RBMS3: variants seen among roughly 807,000 people sequenced by gnomAD.
The protein encoded by RBMS3 is RNA-binding motif, single-stranded-interacting protein 3.
A neutral mutation model predicts 66.8 loss-of-function variants in RBMS3; 27 were observed. That is an observed-to-expected ratio of 0.40 (90% CI 0.30 to 0.56). The LOEUF (loss-of-function observed/expected upper bound fraction) is 0.56. Ranked by LOEUF, RBMS3 falls within the 20% of genes least tolerant of loss-of-function variation. The probability of loss-of-function intolerance (pLI) is 0.40; values close to 1 mark genes in which losing one functional copy is unlikely to be tolerated. For missense variants in RBMS3, 513 were observed against 549.5 expected, an observed-to-expected ratio of 0.93 and a Z score of 0.66; for synonymous variants, 188 against 183.0, an observed-to-expected ratio of 1.03 and a Z score of -0.22.
At chr3:29,548,005 G>A (rs2149026667) in intron 3 of RBMS3, among the ~76,000 whole-genome samples, 1 of 151,936 alleles carries the variant, frequency 6.6e-6, no homozygotes, top group East Asian at 1.9e-4. Context: ...TGTTGGCCAA[G>A]GCTGGTCTCG....
chr3:29,887,342 G>A (rs2059895706), intron 8 of RBMS3, among the ~76,000 whole-genome samples: 1 of 151,764 alleles, frequency 6.6e-6, no homozygotes, highest in Admixed American at 6.6e-5. Flanking sequence ...TAATCCCCAT[G>A]TGTCAAGAGA....
rs565231402 is a variant in RBMS3 at position 29,422,271 on chromosome 3, T to G, written c.76-12472T>G. ...TATACCAATCAAGGGCAAATGCCCT[T>G]TAACTGCCAGTCTCTGAAGCTCAAT... On this transcript the variant is annotated intron_variant, in intron 1 of 14. Coordinates refer to ENST00000383767, the MANE Select transcript of RBMS3 (RefSeq NM_001003793.3). Among the ~76,000 whole-genome samples, 4 of 152,256 alleles carry G rather than the reference T, an allele frequency of 2.6e-5. No homozygotes were observed. In the South Asian group the frequency reaches 8.3e-4, roughly 32 times the overall value.
chr3:29,690,997 T>C (rs899847547), intron 4 of RBMS3, among the ~76,000 whole-genome samples: 5 of 152,342 alleles, frequency 3.3e-5, no homozygotes, highest in Admixed American at 1.3e-4. Flanking sequence ...TTGTGTGCAA[T>C]GCTTAGCAAG....
In RBMS3 at chr3:29,829,291, C is replaced by T. The variant is rs147830322; in HGVS notation, c.638-39567C>T. Among the ~76,000 whole-genome samples the T allele has an allele frequency of 2.5e-3, 374 of 152,200 alleles. 4 individuals are homozygous for T. The highest frequency in any genetic ancestry group is 8.6e-3 in the African/African-American group (357 of 41,534). ...AACTCATGACCTCAGGTAATCCACCCGCCTTGGCCTCCCCAAGTGCTGGGA... is the reference window on the plus strand; with the variant it reads ...AACTCATGACCTCAGGTAATCCACCTGCCTTGGCCTCCCCAAGTGCTGGGA... On this transcript the variant is annotated intron_variant, in intron 6 of 14. Transcript: ENST00000383767.
chr3:29,750,281 T>C (rs1461679080), intron 5 of RBMS3, among the ~76,000 whole-genome samples: 1 of 152,198 alleles, frequency 6.6e-6, no homozygotes, highest in Non-Finnish European at 1.5e-5. Flanking sequence ...TTTCCACGAA[T>C]TTTTTGAAGA....
intron 12 of RBMS3, among the ~76,000 whole-genome samples, chr3:29,979,488 C>T (rs1697830834): frequency 6.6e-6 from 1 of 152,126 alleles, no homozygotes; most frequent in African/African-American, 2.4e-5. Context: ...GATACATGTG[C>T]AGGTTTGTTA....
At position 30,008,742 on chromosome 3, in the gene RBMS3, G is replaced by A. The variant is rs1031697871; in HGVS notation, c.*4880G>A. On this transcript the variant is annotated 3_prime_UTR_variant, in exon 15 of 15. Coordinates refer to ENST00000383767, the MANE Select transcript of RBMS3 (RefSeq NM_001003793.3). ...TCCACTGTGGCATTGGAAGACAGTT[G>A]GGTCTGACTCAAGTTTAACATTTCT... The A allele has an allele frequency of 1.3e-5, 2 of 152,064 alleles. No homozygotes were observed. Among genetic ancestry groups the A allele is most frequent in the African/African-American group, 4.8e-5 (2 of 41,424 alleles). The allele number at this position is 152,064 out of a possible 1,614,324, so 9.4% of individuals were successfully genotyped here. A position where few individuals can be genotyped will look rare whatever the true frequency, so the allele number is the denominator to read the frequency against.
chr3:29,562,523 G>C (rs2046592930), intron 3 of RBMS3, among the ~76,000 whole-genome samples: 1 of 152,192 alleles, frequency 6.6e-6, no homozygotes, highest in African/African-American at 2.4e-5. Flanking sequence ...GGAGTCACCT[G>C]TGTCAAGTGA....
intron 4 of RBMS3, among the ~76,000 whole-genome samples, chr3:29,719,420 A>G (rs1159939668): frequency 6.6e-6 from 1 of 151,990 alleles, no homozygotes; most frequent in Non-Finnish European, 1.5e-5. Flanking sequence ...CATTTTTTTT[A>G]CTTGCAAAGA....
intron 7 of RBMS3, among the ~76,000 whole-genome samples, chr3:29,876,988 G>T (rs2059624166): frequency 6.6e-6 from 1 of 152,156 alleles, no homozygotes; most frequent in Non-Finnish European, 1.5e-5. Context: ...TAACACAATG[G>T]TGTGACTGAT....
At chr3:29,383,181 C>T (rs573849712) in intron 1 of RBMS3, among the ~76,000 whole-genome samples, 1 of 152,282 alleles carries the variant, frequency 6.6e-6, no homozygotes, top group African/African-American at 2.4e-5. Flanking sequence ...GGAAGGTGAT[C>T]TTTTCCAAGA....
At chr3:29,745,418 G>A (rs1331688126) in intron 5 of RBMS3, among the ~76,000 whole-genome samples, 1 of 152,178 alleles carries the variant, frequency 6.6e-6, no homozygotes, top group African/African-American at 2.4e-5. Context: ...TACCTTGCCT[G>A]CGAGGGTAAG....
At chr3:29,994,860 G>A (rs1040659372) in intron 14 of RBMS3, among the ~76,000 whole-genome samples, 1 of 152,226 alleles carries the variant, frequency 6.6e-6, no homozygotes, top group East Asian at 1.9e-4. Context: ...CTAAAACGCA[G>A]AGTGCCTCTC....
At position 29,670,768 on chromosome 3, in the gene RBMS3, G is replaced by A. The variant is rs373636601; in HGVS notation, c.400-68952G>A. 2.6e-5 allele frequency among the ~76,000 whole-genome samples: 4 copies of A among 152,206 alleles called. No homozygotes were observed. The East Asian group carries it at 7.7e-4, about 29-fold the overall frequency. ...AGCGGCTGGGAAGCTCCAACTGGGT[G>A]GAGCCCACCCCAGCTCAAGGAGGCC... On this transcript the variant is annotated intron_variant, in intron 4 of 14. Transcript: ENST00000383767.
In RBMS3 at chr3:29,733,970, G is replaced by A. The variant is rs934160903; in HGVS notation, c.400-5750G>A. On this transcript the variant is annotated intron_variant, in intron 4 of 14. Coordinates refer to ENST00000383767, the MANE Select transcript of RBMS3 (RefSeq NM_001003793.3). The stretch of plus-strand genomic sequence containing the variant: ...GGGGTCTAGTTTCATTATTCTGTAT[G>A]TGGATATCCAGTTTTTATAGCACCA... Among the ~76,000 whole-genome samples the A allele has an allele frequency of 2.6e-5, 4 of 151,910 alleles. 1 individual carries two copies. Among genetic ancestry groups the A allele is most frequent in the Non-Finnish European group, 5.9e-5 (4 of 67,902 alleles).
intron 6 of RBMS3, among the ~76,000 whole-genome samples, chr3:29,862,768 C>G (rs537020613): frequency 6.6e-6 from 1 of 151,252 alleles, no homozygotes; most frequent in South Asian, 2.1e-4. Flanking sequence ...CACTTGAACC[C>G]AGGAGGCGCA....
chr3:29,993,590 C>G (rs1324149084), intron 14 of RBMS3, among the ~76,000 whole-genome samples: 4 of 152,092 alleles, frequency 2.6e-5, no homozygotes, highest in Admixed American at 6.6e-5. Flanking sequence ...TTAGTTGAAC[C>G]CCTGAATAGA....
chr3:29,360,545 T>C (rs1161633827), intron 1 of RBMS3, among the ~76,000 whole-genome samples: 3 of 152,070 alleles, frequency 2.0e-5, no homozygotes, highest in East Asian at 3.9e-4. Flanking sequence ...TGAAGAGTTC[T>C]GTAGATGTCT....
intron 1 of RBMS3, among the ~76,000 whole-genome samples, chr3:29,418,003 G>A (rs2040548271): frequency 6.6e-6 from 1 of 151,792 alleles, no homozygotes; most frequent in Non-Finnish European, 1.5e-5. Flanking sequence ...TGTATAATAG[G>A]CAAAATTATA....
Sources: allele counts gnomAD v4.1 joint callset (sites outside exome capture counted in the v4.1 genomes callset), GRCh38; gene constraint gnomAD v4.1.1; transcripts MANE v1.5; gene names NCBI Gene and HGNC (gene_info 2026-07-23, HGNC 2026-07-21).